Variants in THAP12 observed in about 807,000 individuals in gnomAD.
THAP12 encodes THAP domain containing 12.
In THAP12, 20 loss-of-function variants were observed where a neutral mutation model predicts 63.0. That is an observed-to-expected ratio of 0.32 (90% CI 0.22 to 0.46). The LOEUF (loss-of-function observed/expected upper bound fraction) is 0.46, where lower values mean the gene tolerates loss of function less well. Among genes scored for constraint, THAP12 ranks in the 20% least tolerant of loss-of-function variants. The pLI is 1.00. For synonymous variants in THAP12, 264 were observed against 328.4 expected, an observed-to-expected ratio of 0.80 and a Z score of 2.12; for missense variants, 568 against 908.2, an observed-to-expected ratio of 0.63 and a Z score of 4.81.
At chr11:76,377,862 G>A (rs1022320274) in intron 1 of THAP12, among the ~76,000 whole-genome samples, 1 of 152,106 alleles carries the variant, frequency 6.6e-6, no homozygotes, top group South Asian at 2.1e-4. Context: ...CTTTTCATGT[G>A]CTTTTTAGCC....
At chr11:76,374,216 A>C (rs1413829242) in intron 1 of THAP12, among the ~76,000 whole-genome samples, 1 of 152,204 alleles carries the variant, frequency 6.6e-6, no homozygotes, top group Non-Finnish European at 1.5e-5. Context: ...GAAATGTGAC[A>C]TCTGAGACCA....
intron 1 of THAP12, among the ~76,000 whole-genome samples, chr11:76,368,307 G>T (rs889292792): frequency 9.2e-5 from 14 of 152,122 alleles, no homozygotes; most frequent in African/African-American, 3.4e-4. Flanking sequence ...TCTTTTTAAA[G>T]CAAACTTAAA....
Position 76,352,259 on chromosome 11 carries a change from C to T in THAP12, c.891G>A (p.Leu297=). 6.2e-7 allele frequency: 1 copy of T among 1,611,890 alleles called. No individual in the cohort carries two copies. Among genetic ancestry groups the T allele is most frequent in the Non-Finnish European group, 8.5e-7 (1 of 1,179,798 alleles). The part of the protein sequence containing the change: ...HNLREEFIGF[L]PYEADAEILA... ...AAATTTCTGCATCGGCTTCATAAGG[C>T]AGGAAGCCTATAAATTCCTCTCTTA... The change falls in exon 5 of 5, where the codon CTG becomes CTA. Residue 297 remains leucine, a synonymous_variant. Coordinates refer to ENST00000260045, the MANE Select transcript of THAP12 (RefSeq NM_004705.4).
At chr11:76,375,390 CTTTTTT>C (rs533659659) in intron 1 of THAP12, among the ~76,000 whole-genome samples, 1 of 132,922 alleles carries the variant, frequency 7.5e-6, no homozygotes, top group South Asian at 2.5e-4. Context: ...AAGACTTAGG[CTTTTTT>C]TTTTTTTTTT....
chr11:76,370,402 G>A (rs1415367491), intron 1 of THAP12, among the ~76,000 whole-genome samples: 1 of 151,846 alleles, frequency 6.6e-6, no homozygotes, highest in Non-Finnish European at 1.5e-5. Flanking sequence ...TCACTCTGTT[G>A]CACAGGCTGG....
chr11:76,350,716 G>A lies in THAP12; in HGVS notation c.*148C>T. ...CTTCAAAGCTTGAGAGTTCAAACAG[G>A]GGCCATTTAAACAGGTAGATTATCA... is the stretch of plus-strand genomic sequence containing the variant. On this transcript the variant is annotated 3_prime_UTR_variant, in exon 5 of 5. Transcript: ENST00000260045. 3.5e-6 allele frequency: 2 copies of A among 575,438 alleles called. No homozygotes were observed. Among genetic ancestry groups the A allele is most frequent in the East Asian group, 3.4e-5 (1 of 29,528 alleles). 35.6% of individuals were successfully genotyped at this position (575,438 alleles called of 1,614,324 possible). A position where few individuals can be genotyped will look rare whatever the true frequency, so the allele number is the denominator to read the frequency against.
chr11:76,379,524 C>A (rs1157429056), intron 1 of THAP12, among the ~76,000 whole-genome samples: 1 of 152,198 alleles, frequency 6.6e-6, no homozygotes, highest in Non-Finnish European at 1.5e-5. Context: ...CTCCTGGTTG[C>A]CCTGTCTTTG....
At chr11:76,374,824 C>A (rs1946697932) in intron 1 of THAP12, among the ~76,000 whole-genome samples, 1 of 152,132 alleles carries the variant, frequency 6.6e-6, no homozygotes, top group African/African-American at 2.4e-5. Context: ...CATATTGAAA[C>A]AATCCCCAGT....
rs181687831 is a variant in THAP12, at chr11:76,363,808, G to A, written c.210+2044C>T. 3.5e-4 allele frequency among the ~76,000 whole-genome samples: 54 copies of A among 152,166 alleles called. 1 individual carries two copies. In the East Asian group the frequency reaches 7.7e-3, roughly 22 times the overall value. On this transcript the variant is annotated intron_variant, in intron 2 of 4. Coordinates refer to ENST00000260045, the MANE Select transcript of THAP12 (RefSeq NM_004705.4). ...TTTTTAGTAGAGAAGGGGTTTCCCC[G>A]TTGGCCAGGCTGGTCTCAAACTCCT...
intron 2 of THAP12, among the ~76,000 whole-genome samples, chr11:76,363,592 T>TGTTG (rs969753109): frequency 2.0e-5 from 3 of 151,278 alleles, no homozygotes; most frequent in African/African-American, 7.3e-5. Context: ...CAGGGGTTTT[T>TGTTG]GTTTGTTTGT....
chr11:76,369,894 C>T (rs943244304), intron 1 of THAP12, among the ~76,000 whole-genome samples: 3 of 152,242 alleles, frequency 2.0e-5, no homozygotes, highest in African/African-American at 7.2e-5. Context: ...CTTTTTCCCT[C>T]ATGATCCAGA....
chr11:76,378,540 A>G (rs1458532843), intron 1 of THAP12, among the ~76,000 whole-genome samples: 4 of 152,218 alleles, frequency 2.6e-5, no homozygotes, highest in African/African-American at 9.6e-5. Flanking sequence ...TGATCTCAAT[A>G]AAAGTATAGG....
chr11:76,371,291 T>A (rs1946672591), intron 1 of THAP12, among the ~76,000 whole-genome samples: 1 of 152,232 alleles, frequency 6.6e-6, no homozygotes, highest in Non-Finnish European at 1.5e-5. Context: ...CCTGGGGCCT[T>A]CCCTGCGCTG....
At chr11:76,378,268 C>T (rs1946725164) in intron 1 of THAP12, among the ~76,000 whole-genome samples, 1 of 152,080 alleles carries the variant, frequency 6.6e-6, no homozygotes, top group Non-Finnish European at 1.5e-5. Flanking sequence ...AAAAAAAATA[C>T]AAAAATTAGC....
chr11:76,366,048 A>G, intron 1 of THAP12, 76 bp from the exon 2 acceptor site: 1 of 1,482,136 alleles, frequency 6.7e-7, no homozygotes. Flanking sequence ...TAAGGCAAAC[A>G]TACATTAATA....
intron 2 of THAP12, among the ~76,000 whole-genome samples, chr11:76,364,024 C>T (rs1946615640): frequency 6.6e-6 from 1 of 152,172 alleles, no homozygotes; most frequent in Admixed American, 6.5e-5. Flanking sequence ...GCAAACCTGG[C>T]TCATCTTTCT....
chr11:76,361,009 T>C lies in THAP12; in HGVS notation c.265A>G (p.Thr89Ala). Residue 89 changes from threonine to alanine, a missense_variant, in exon 3 of 5, where the codon ACC becomes GCC. Coordinates refer to ENST00000260045, the MANE Select transcript of THAP12 (RefSeq NM_004705.4). ...DNAIPTIFDL[T>A]SHLNNPHSRH... is the part of the protein sequence containing the mutation. ...CTATGTGGGTTGTTCAAATGACTGG[T>C]AAGATCAAATATTGTTGGTATTGCA... 1 of 1,611,076 alleles carries C rather than the reference T, an allele frequency of 6.2e-7. No homozygotes were observed. The highest frequency in any genetic ancestry group is 1.1e-5 in the South Asian group (1 of 90,968).
rs769518160 is a variant in THAP12 at position 76,351,448 on chromosome 11, G to A, written c.1702C>T (p.Leu568=). The A allele has an allele frequency of 1.2e-6, 2 of 1,601,480 alleles. No individual in the cohort carries two copies. The highest frequency in any genetic ancestry group is 1.3e-5 in the African/African-American group (1 of 74,776). Residue 568 remains leucine (L), a synonymous_variant, in exon 5 of 5, where the codon CTA becomes TTA. Coordinates refer to ENST00000260045, the MANE Select transcript of THAP12 (RefSeq NM_004705.4). ...TCTTTATAGTAACTCTCAGAGGTTA[G>A]CTGAGATTCCAAGTTACCCTGGTGA... ...RAHQGNLESQ[L]TSESYYKETL...
intron 1 of THAP12, among the ~76,000 whole-genome samples, chr11:76,372,589 T>TA (rs57050881): frequency 0.028 from 3,283 of 116,718 alleles, 51 homozygotes; most frequent in Non-Finnish European, 0.038. Context: ...CTGTTACATT[T>TA]AAAAAAAAAA....
Sources: allele counts gnomAD v4.1 joint callset (sites outside exome capture counted in the v4.1 genomes callset), GRCh38; gene constraint gnomAD v4.1.1; transcripts MANE v1.5; gene names NCBI Gene and HGNC (gene_info 2026-07-23, HGNC 2026-07-21).